LRP1B: variants seen among roughly 807,000 people sequenced by gnomAD.
LRP1B encodes the protein low-density lipoprotein receptor-related protein 1B.
A neutral mutation model predicts 556.6 loss-of-function variants in LRP1B; 217 were observed. The ratio of observed to expected loss-of-function variants is 0.39; its 90% CI spans 0.35 to 0.44. The LOEUF (loss-of-function observed/expected upper bound fraction) is 0.44. Ranked by LOEUF, LRP1B falls within the 20% of genes least tolerant of loss-of-function variation. The pLI, the probability that LRP1B is intolerant of heterozygous loss-of-function variation, is 1.00. For missense variants in LRP1B, 5,053 were observed against 5,620.8 expected, an observed-to-expected ratio of 0.90 and a Z score of 3.23; for synonymous variants, 2,047 against 1,865.8, an observed-to-expected ratio of 1.10 and a Z score of -2.50.
intron 1 of LRP1B, among the ~76,000 whole-genome samples, chr2:142,030,049 A>C (rs908049368): frequency 5.6e-5 from 8 of 142,276 alleles, no homozygotes; most frequent in Admixed American, 7.1e-5. Context: ...AAAAAAAAAA[A>C]CTCTGCAAGT....
At chr2:140,973,064 ATATAT>A (rs1696483835) in intron 18 of LRP1B, among the ~76,000 whole-genome samples, 1 of 146,626 alleles carries the variant, frequency 6.8e-6, no homozygotes, top group Non-Finnish European at 1.5e-5. Flanking sequence ...ATATATATAT[ATATAT>A]ATATATATAT....
chr2:141,076,247 G>A (rs1574049223), intron 7 of LRP1B, among the ~76,000 whole-genome samples: 1 of 152,172 alleles, frequency 6.6e-6, no homozygotes, highest in South Asian at 2.1e-4. Context: ...GGCAAAACAT[G>A]CATTTTGATA....
intron 2 of LRP1B, among the ~76,000 whole-genome samples, chr2:141,763,887 C>A (rs1042175545): frequency 1.2e-4 from 3 of 24,842 alleles, no homozygotes; most frequent in Non-Finnish European, 3.5e-4. Context: ...GCTTGATAAT[C>A]CTGAAGGAAG....
chr2:141,215,354 G>C (rs1209585505), intron 6 of LRP1B, among the ~76,000 whole-genome samples: 1 of 152,126 alleles, frequency 6.6e-6, no homozygotes, highest in Non-Finnish European at 1.5e-5. Context: ...CGAATCTCTG[G>C]TATTTCTTTG....
intron 1 of LRP1B, among the ~76,000 whole-genome samples, chr2:141,910,511 A>G (rs1699881065): frequency 6.6e-6 from 1 of 152,076 alleles, no homozygotes; most frequent in Non-Finnish European, 1.5e-5. Flanking sequence ...AGTATTATTA[A>G]AATTTGATGC....
At chr2:140,269,083 T>C (rs1259560033) in intron 86 of LRP1B, among the ~76,000 whole-genome samples, 1 of 152,020 alleles carries the variant, frequency 6.6e-6, no homozygotes, top group African/African-American at 2.4e-5. Flanking sequence ...CTGGACACTC[T>C]AGCAGTCTGT....
chr2:142,052,874 A>G (rs995541723), intron 1 of LRP1B, among the ~76,000 whole-genome samples: 15 of 152,190 alleles, frequency 9.9e-5, no homozygotes, highest in African/African-American at 2.9e-4. Context: ...CCACAGGGGT[A>G]GTGCTAATTG....
intron 41 of LRP1B, among the ~76,000 whole-genome samples, chr2:140,661,118 A>G (rs1685077174): frequency 6.6e-6 from 1 of 152,280 alleles, no homozygotes; most frequent in Admixed American, 6.5e-5. Context: ...AGCAATCATT[A>G]TTAAGAAAAT....
rs149774343 is a variant in LRP1B, at chr2:141,969,672, C to T, written c.83-159271G>A. On this transcript the variant is annotated intron_variant, in intron 1 of 90. Transcript: ENST00000389484. ...TGTCAATGGACATTCAAGTTAATTC[C>T]ATCTCCTGGCTATTGGGAATAGTGC... Among the ~76,000 whole-genome samples, 1,406 of 151,696 alleles carry T rather than the reference C, an allele frequency of 9.3e-3. 21 individuals are homozygous for T. Among genetic ancestry groups the T allele is most frequent in the African/African-American group, 0.033 (1,362 of 41,484 alleles).
At chr2:140,776,499 A>G (rs58166578) in intron 32 of LRP1B, among the ~76,000 whole-genome samples, 1 of 94,702 alleles carries the variant, frequency 1.1e-5, no homozygotes, top group African/African-American at 3.0e-5. Flanking sequence ...TAATATTCTT[A>G]TATTTTACAT....
intron 41 of LRP1B, among the ~76,000 whole-genome samples, chr2:140,610,274 C>A (rs1247645651): frequency 6.6e-6 from 1 of 152,248 alleles, no homozygotes; most frequent in East Asian, 1.9e-4. Flanking sequence ...TCCCCTCAAA[C>A]TGAGCAAAGT....
chr2:141,690,096 T>A (rs1202736149), intron 2 of LRP1B, among the ~76,000 whole-genome samples: 1 of 151,648 alleles, frequency 6.6e-6, no homozygotes, highest in Non-Finnish European at 1.5e-5. Flanking sequence ...ATAAGTTTGA[T>A]TTATGCTTTT....
intron 1 of LRP1B, among the ~76,000 whole-genome samples, chr2:141,964,275 C>A (rs1314625853): frequency 1.3e-5 from 2 of 150,694 alleles, no homozygotes; most frequent in African/African-American, 4.9e-5. Flanking sequence ...AAAAAAGAGC[C>A]TGCATCGCCA....
intron 2 of LRP1B, among the ~76,000 whole-genome samples, chr2:141,680,625 G>A (rs1691067640): frequency 6.6e-6 from 1 of 152,040 alleles, no homozygotes; most frequent in Admixed American, 6.6e-5. Context: ...GAAAGTATGA[G>A]GCACATCCAC....
chr2:142,004,707 G>A (rs144707860), intron 1 of LRP1B, among the ~76,000 whole-genome samples: 105 of 151,670 alleles, frequency 6.9e-4, no homozygotes, highest in African/African-American at 2.3e-3. Context: ...TTAGCTGGGC[G>A]TGGTAGAAGG....
intron 59 of LRP1B, among the ~76,000 whole-genome samples, chr2:140,482,889 C>A (rs147216285): frequency 6.6e-6 from 1 of 152,110 alleles, no homozygotes; most frequent in African/African-American, 2.4e-5. Context: ...ATATGCAAGT[C>A]GCAGTGGCAA....
At chr2:141,810,082 AGGCTATTT>A (rs1696288870) in intron 2 of LRP1B, among the ~76,000 whole-genome samples, 189 bp downstream of exon 2, 1 of 144,278 alleles carries the variant, frequency 6.9e-6, no homozygotes, top group Admixed American at 7.0e-5. Context: ...CAAGTTTCTT[AGGCTATTT>A]GGAAAAAAGA....
chr2:141,874,590 T>C (rs13389827), intron 1 of LRP1B, among the ~76,000 whole-genome samples: 26,228 of 151,906 alleles, frequency 0.17, 2,310 homozygotes, highest in South Asian at 0.19. Flanking sequence ...AATAAATGTT[T>C]TGAGAATTCC....
At chr2:140,977,308 A>T (rs1041744264) in intron 18 of LRP1B, among the ~76,000 whole-genome samples, 2 of 152,120 alleles carry the variant, frequency 1.3e-5, no homozygotes, top group East Asian at 3.9e-4. Context: ...CTAAGATATG[A>T]CTTGCTCCTC....
Sources: allele counts gnomAD v4.1 joint callset (sites outside exome capture counted in the v4.1 genomes callset), GRCh38; gene constraint gnomAD v4.1.1; transcripts MANE v1.5; gene names NCBI Gene and HGNC (gene_info 2026-07-23, HGNC 2026-07-21).